Variants in DOK6 observed in about 807,000 individuals in gnomAD.
The protein encoded by DOK6 is downstream of tyrosine kinase 6.
Under a neutral mutation model 44.0 loss-of-function variants are expected in DOK6, and 22 were observed. That is an observed-to-expected ratio of 0.50 (90% CI 0.36 to 0.71). The LOEUF (loss-of-function observed/expected upper bound fraction) is 0.71. Among genes scored for constraint, DOK6 ranks in the 30% least tolerant of loss-of-function variants. DOK6 has a pLI of 0.00. For synonymous variants in DOK6, 166 were observed against 145.5 expected (o/e 1.14, Z -1.01); for missense variants, 340 against 416.4 (o/e 0.82, Z 1.60).
chr18:69,612,555 C>T (rs1402792345), intron 3 of DOK6, among the ~76,000 whole-genome samples: 3 of 148,368 alleles, frequency 2.0e-5, no homozygotes, highest in Non-Finnish European at 4.5e-5. Flanking sequence ...ACCCAACCGA[C>T]TCCTACATTT....
chr18:69,697,852 A>G (rs1986423007), intron 4 of DOK6, among the ~76,000 whole-genome samples: 2 of 152,236 alleles, frequency 1.3e-5, no homozygotes, highest in African/African-American at 4.8e-5. Context: ...AATATCTGCA[A>G]TTATCATATG....
intron 2 of DOK6, among the ~76,000 whole-genome samples, chr18:69,573,502 T>C (rs1170384242): frequency 6.6e-6 from 1 of 151,976 alleles, no homozygotes; most frequent in Non-Finnish European, 1.5e-5. Flanking sequence ...ACTTTCCCGG[T>C]GACTTAAGTT....
intron 1 of DOK6, among the ~76,000 whole-genome samples, chr18:69,545,456 T>G (rs73452101): frequency 6.7e-5 from 10 of 149,898 alleles, no homozygotes; most frequent in African/African-American, 2.4e-4. Flanking sequence ...TCTCCTGGTA[T>G]TTCATTGATG....
chr18:69,523,262 T>C (rs1416900582), intron 1 of DOK6, among the ~76,000 whole-genome samples: 1 of 152,100 alleles, frequency 6.6e-6, no homozygotes, highest in Non-Finnish European at 1.5e-5. Flanking sequence ...TACAGACAGA[T>C]ACATTTTCAT....
At chr18:69,782,711 C>T (rs1273524803) in intron 7 of DOK6, among the ~76,000 whole-genome samples, 3 of 152,222 alleles carry the variant, frequency 2.0e-5, no homozygotes, top group Admixed American at 6.5e-5. Context: ...TTGCAGTGAG[C>T]TGAGATCGCA....
chr18:69,496,194 G>A (rs2119966), intron 1 of DOK6, among the ~76,000 whole-genome samples: 68,511 of 151,770 alleles, frequency 0.45, 15,850 homozygotes, highest in African/African-American at 0.49. Context: ...AGATGTCACC[G>A]TCAACGAGGG....
chr18:69,632,618 C>G (rs927412748), intron 3 of DOK6, among the ~76,000 whole-genome samples: 2 of 152,184 alleles, frequency 1.3e-5, no homozygotes, highest in African/African-American at 4.8e-5. Context: ...GCAGAAGGTA[C>G]TGTCCTCTTG....
intron 3 of DOK6, among the ~76,000 whole-genome samples, chr18:69,623,733 A>G (rs572888580): frequency 6.6e-6 from 1 of 152,292 alleles, no homozygotes; most frequent in Admixed American, 6.5e-5. Flanking sequence ...TTTGAATCTC[A>G]TAATCATTCT....
rs117832633 is a variant in DOK6, at chr18:69,401,561, C to T, written c.66+251C>T. On this transcript the variant is annotated intron_variant, in intron 1 of 7. Coordinates refer to ENST00000382713, the MANE Select transcript of DOK6 (RefSeq NM_152721.6). ...GTGCACCGGGCTGTCTTCGACCGTG[C>T]GGGGAAGTCAGTAGACGAAAGGGGT... Among the ~76,000 whole-genome samples, 15 of 152,192 alleles carry T rather than the reference C, an allele frequency of 9.9e-5. No individual in the cohort carries two copies. In the East Asian group the frequency reaches 1.6e-3, roughly 16 times the overall value.
chr18:69,497,417 G>A (rs1390961027), intron 1 of DOK6, among the ~76,000 whole-genome samples: 2 of 152,112 alleles, frequency 1.3e-5, no homozygotes, highest in African/African-American at 2.4e-5. Flanking sequence ...CCAATGCCAC[G>A]TTTCACAAGC....
At chr18:69,514,039 A>G (rs1981448456) in intron 1 of DOK6, among the ~76,000 whole-genome samples, 1 of 152,130 alleles carries the variant, frequency 6.6e-6, no homozygotes. Context: ...TTATGTAACA[A>G]TAATTCAAAA....
In DOK6 at chr18:69,447,091, G is replaced by T. The variant is rs1177512578; in HGVS notation, c.66+45781G>T. On this transcript the variant is annotated intron_variant, in intron 1 of 7. Coordinates refer to ENST00000382713, the MANE Select transcript of DOK6 (RefSeq NM_152721.6). ...GCATTTGTCAATTTTGGCTTTTGTTGCCATTGCTTTTGGTGTTTTAGACAT... is the reference window on the plus strand; with the variant it reads ...GCATTTGTCAATTTTGGCTTTTGTTTCCATTGCTTTTGGTGTTTTAGACAT... Among the ~76,000 whole-genome samples, 4 of 152,288 alleles carry T rather than the reference G, an allele frequency of 2.6e-5. No individual in the cohort carries two copies. The South Asian group carries it at 8.3e-4, about 32-fold the overall frequency.
At chr18:69,751,962 C>A in intron 6 of DOK6, among the ~76,000 whole-genome samples, 1 of 152,060 alleles carries the variant, frequency 6.6e-6, no homozygotes, top group Non-Finnish European at 1.5e-5. Context: ...GAGAGAATAC[C>A]TTCTATTCTA....
At chr18:69,785,172 T>C (rs553475906) in intron 7 of DOK6, among the ~76,000 whole-genome samples, 1 of 152,184 alleles carries the variant, frequency 6.6e-6, no homozygotes, top group East Asian at 1.9e-4. Flanking sequence ...ACATCAGCAA[T>C]GTTCTGTTAA....
chr18:69,401,418 G>C (rs1916097062), intron 1 of DOK6, 108 bp downstream of exon 1: 24 of 1,238,746 alleles, frequency 1.9e-5, no homozygotes, highest in Non-Finnish European at 2.3e-5. Context: ...GGCAGAGAGG[G>C]ACCCGGCCCT....
intron 5 of DOK6, among the ~76,000 whole-genome samples, chr18:69,701,136 G>A (rs56147892): frequency 3.4e-3 from 521 of 152,292 alleles, no homozygotes; most frequent in African/African-American, 0.011. Context: ...GATATACATC[G>A]TTTATTCTGG....
intron 6 of DOK6, among the ~76,000 whole-genome samples, chr18:69,755,082 T>TA (rs1466450816): frequency 1.3e-5 from 2 of 152,068 alleles, no homozygotes; most frequent in Non-Finnish European, 2.9e-5. Context: ...GGAAGTAGAA[T>TA]AAGGAGAAAC....
intron 2 of DOK6, among the ~76,000 whole-genome samples, chr18:69,567,322 A>T (rs563574568): frequency 1.4e-3 from 214 of 149,124 alleles, no homozygotes; most frequent in African/African-American, 3.5e-3. Flanking sequence ...TTTATTTTTT[A>T]AAAAAATAGG....
chr18:69,714,843 G>T (rs944486322), intron 5 of DOK6, among the ~76,000 whole-genome samples: 21 of 152,068 alleles, frequency 1.4e-4, no homozygotes, highest in Non-Finnish European at 3.1e-4. Flanking sequence ...AGGTAAGTTG[G>T]ATTATACTTT....
Sources: gnomAD v4.1 joint callset for allele counts (sites outside exome capture counted in the v4.1 genomes callset) on GRCh38, gnomAD v4.1.1 for gene constraint, MANE v1.5 for transcripts, NCBI Gene and HGNC (gene_info 2026-07-23, HGNC 2026-07-21) for gene names.